RTCA: variants seen among roughly 807,000 people sequenced by gnomAD.
RTCA encodes the protein RNA terminal phosphate cyclase domain 1.
Under a neutral mutation model 46.1 loss-of-function variants are expected in RTCA, and 37 were observed. The ratio of observed to expected loss-of-function variants is 0.80; its 90% CI spans 0.62 to 1.06. The LOEUF (loss-of-function observed/expected upper bound fraction) is 1.06. Ranked by LOEUF, RTCA falls within the 50% of genes least tolerant of loss-of-function variation. The pLI, the probability that RTCA is intolerant of heterozygous loss-of-function variation, is 0.00. For missense variants in RTCA, 435 were observed against 455.5 expected, an observed-to-expected ratio of 0.95 and a Z score of 0.41; for synonymous variants, 164 against 158.3, an observed-to-expected ratio of 1.04 and a Z score of -0.27.
At chr1:100,275,270 A>G (rs368294310) in intron 6 of RTCA, among the ~76,000 whole-genome samples, 18 of 152,292 alleles carry the variant, frequency 1.2e-4, no homozygotes, top group East Asian at 7.7e-4. Flanking sequence ...TTGAAACACT[A>G]TCAGGTACTG....
rs140152522 is a variant in RTCA at position 100,291,445 on chromosome 1, G to A, written c.1042G>A (p.Ala348Thr). 1,131 of 1,612,080 alleles carry A rather than the reference G, an allele frequency of 7.0e-4. No homozygotes were observed. The highest frequency in any genetic ancestry group is 9.1e-4 in the Non-Finnish European group (1,073 of 1,179,048). The change falls in exon 11 of 11, where the codon GCT becomes ACT. Residue 348 changes from alanine (A) to threonine (T), a missense_variant. Coordinates refer to ENST00000370128, the MANE Select transcript of RTCA (RefSeq NM_003729.4). Reference sequence around the variant, plus strand: ...GAAATCAGAAGATGAAGAAGACGCCGCTAAAGATACTTATATTATTGAATG... The same window carrying A: ...GAAATCAGAAGATGAAGAAGACGCCACTAAAGATACTTATATTATTGAATG... ...VKKSEDEEDA[A>T]KDTYIIECQG...
At chr1:100,277,236 A>C (rs1054474619) in intron 7 of RTCA, 22 bp from the exon 8 acceptor site, 2 of 1,608,388 alleles carry the variant, frequency 1.2e-6, no homozygotes, top group Admixed American at 3.3e-5. Flanking sequence ...CAAAGGTAGT[A>C]ATAACTTTTT....
At chr1:100,270,057 T>C (rs1665998567) in intron 3 of RTCA, among the ~76,000 whole-genome samples, 1 of 152,208 alleles carries the variant, frequency 6.6e-6, no homozygotes, top group Admixed American at 6.5e-5. Flanking sequence ...TTCTATCATA[T>C]CATGAACTCC....
At chr1:100,280,594 A>G (rs1186150710) in intron 8 of RTCA, among the ~76,000 whole-genome samples, 1 of 152,216 alleles carries the variant, frequency 6.6e-6, no homozygotes, top group Non-Finnish European at 1.5e-5. Context: ...ATGCAAAAGT[A>G]ACTTGTGGTC....
At chr1:100,273,229 C>G (rs1380804245) in intron 4 of RTCA, among the ~76,000 whole-genome samples, 165 bp from the exon 5 acceptor site, 1 of 152,118 alleles carries the variant, frequency 6.6e-6, no homozygotes, top group Non-Finnish European at 1.5e-5. Context: ...AGCTACATAT[C>G]AGTTTTTTTA....
chr1:100,268,317 A>G (rs1665895773), intron 3 of RTCA, 22 bp downstream of exon 3: 3 of 1,562,342 alleles, frequency 1.9e-6, no homozygotes, highest in Non-Finnish European at 2.6e-6. Flanking sequence ...TTAACATTCC[A>G]TTTAAGTAAC....
chr1:100,272,642 T>A (rs10747507), intron 4 of RTCA, among the ~76,000 whole-genome samples: 115,842 of 151,972 alleles, frequency 0.76, 46,286 homozygotes, highest in East Asian at 0.94. Flanking sequence ...ACATCAGGCT[T>A]AAACACCATC....
At chr1:100,271,688 T>C (rs1226732100) in intron 4 of RTCA, among the ~76,000 whole-genome samples, 1 of 152,188 alleles carries the variant, frequency 6.6e-6, no homozygotes, top group Non-Finnish European at 1.5e-5. Context: ...TCTTCTAGAT[T>C]TATTAAAGTG....
chr1:100,274,766 A>C (rs1666281268), intron 5 of RTCA, 58 bp from the exon 6 acceptor site: 1 of 1,500,036 alleles, frequency 6.7e-7, no homozygotes, highest in Non-Finnish European at 9.1e-7. Flanking sequence ...ATTGTAATAT[A>C]GAGCTTTGTT....
rs115266040 is a variant in RTCA, at chr1:100,286,876, A to G, written c.895-223A>G. Among the ~76,000 whole-genome samples, 1,269 of 152,320 alleles carry G rather than the reference A, an allele frequency of 8.3e-3. 18 individuals carry two copies. Among genetic ancestry groups the G allele is most frequent in the South Asian group, 0.032 (153 of 4,832 alleles). ...TTACTTGTAAATATTAATTTAAAAA[A>G]TTATATGTTGAGAGCTGCTACCAAG... On this transcript the variant is annotated intron_variant, in intron 9 of 10. Coordinates refer to ENST00000370128, the MANE Select transcript of RTCA (RefSeq NM_003729.4).
intron 8 of RTCA, among the ~76,000 whole-genome samples, chr1:100,279,915 A>G (rs1666600316): frequency 6.6e-6 from 1 of 152,236 alleles, no homozygotes; most frequent in South Asian, 2.1e-4. Context: ...CTAGGAATTT[A>G]CATTTCATCC....
intron 3 of RTCA, among the ~76,000 whole-genome samples, chr1:100,269,785 G>A (rs1665982553): frequency 6.6e-6 from 1 of 152,074 alleles, no homozygotes; most frequent in African/African-American, 2.4e-5. Flanking sequence ...GGTCATCTAG[G>A]TTTTAAGCCC....
At chr1:100,280,563 A>G (rs1450846156) in intron 8 of RTCA, among the ~76,000 whole-genome samples, 1 of 152,192 alleles carries the variant, frequency 6.6e-6, no homozygotes, top group Non-Finnish European at 1.5e-5. Context: ...CATGCACATC[A>G]GTCAAATGAG....
chr1:100,276,999 T>C (rs562627037), intron 7 of RTCA, among the ~76,000 whole-genome samples: 6 of 152,302 alleles, frequency 3.9e-5, no homozygotes, highest in Admixed American at 1.3e-4. Context: ...GTTAACTTGT[T>C]GGGGGGCATG....
At chr1:100,280,699 T>G (rs182616726) in intron 8 of RTCA, among the ~76,000 whole-genome samples, 11 of 152,270 alleles carry the variant, frequency 7.2e-5, no homozygotes, top group Admixed American at 5.2e-4. Flanking sequence ...TTAAATTAAC[T>G]AGAAAATTAC....
Position 100,273,460 on chromosome 1 carries a change from G to T in RTCA, c.473+8G>T. On this transcript the variant is annotated splice_region_variant and intron_variant, in intron 5 of 10. Coordinates refer to ENST00000370128, the MANE Select transcript of RTCA (RefSeq NM_003729.4). ...TTGTGACATTAAAACAAGGTAAGTT[G>T]CTTGTTTCTTAAATGTTAGGATCTA... The T allele has an allele frequency of 6.5e-7, 1 of 1,547,510 alleles. No homozygotes were observed. Among genetic ancestry groups the T allele is most frequent in the East Asian group, 2.3e-5 (1 of 43,796 alleles).
chr1:100,283,704 G>C (rs1233602212), intron 8 of RTCA, among the ~76,000 whole-genome samples: 3 of 151,946 alleles, frequency 2.0e-5, no homozygotes, highest in African/African-American at 7.2e-5. Context: ...CACAAAACAT[G>C]TTTCAAACCA....
intron 7 of RTCA, among the ~76,000 whole-genome samples, chr1:100,276,260 A>G (rs918397544): frequency 4.6e-5 from 7 of 152,210 alleles, no homozygotes; most frequent in African/African-American, 1.2e-4. Flanking sequence ...TCCCTTATAT[A>G]GTGAACTTAA....
In RTCA at chr1:100,274,976, T is replaced by C. The variant is rs530695463; in HGVS notation, c.615+11T>C. ...GTTTTGCCATTTAAAGTAAGTTGTT[T>C]AGATGTTCTTAGAAATAAAATATAT... is the stretch of plus-strand genomic sequence containing the variant. On this transcript the variant is annotated intron_variant, in intron 6 of 10. Coordinates refer to ENST00000370128, the MANE Select transcript of RTCA (RefSeq NM_003729.4). 5.0e-6 allele frequency: 8 copies of C among 1,585,112 alleles called. No homozygotes were observed. The African/African-American group carries it at 6.7e-5, about 13-fold the overall frequency.
Sources: allele counts gnomAD v4.1 joint callset (sites outside exome capture counted in the v4.1 genomes callset), GRCh38; gene constraint gnomAD v4.1.1; transcripts MANE v1.5; gene names NCBI Gene and HGNC (gene_info 2026-07-23, HGNC 2026-07-21).